The following DTWD2 variants were observed in gnomAD, a reference collection of about 807,000 sequenced individuals.
DTWD2 encodes DTW motif tRNA-uridine aminocarboxypropyltransferase 2.
In DTWD2, 39 loss-of-function variants were observed where a neutral mutation model predicts 31.8. The observed-to-expected ratio is 1.22, with a 90% CI of 0.95 to 1.60. The LOEUF is 1.60. DTWD2 is among the 40% of genes most tolerant of loss of function. The pLI is 0.00. For missense variants in DTWD2, 515 were observed against 381.5 expected (o/e 1.35, Z -2.92); for synonymous variants, 180 against 142.8 (o/e 1.26, Z -1.86).
intron 4 of DTWD2, among the ~76,000 whole-genome samples, chr5:118,883,669 C>T (rs1752793492): frequency 1.3e-5 from 2 of 152,090 alleles, no homozygotes; most frequent in South Asian, 4.2e-4. Context: ...CAAGGGGAGA[C>T]TGACACTTTT....
chr5:118,844,812 G>A (rs894378284), intron 5 of DTWD2, among the ~76,000 whole-genome samples: 1 of 152,140 alleles, frequency 6.6e-6, no homozygotes, highest in Non-Finnish European at 1.5e-5. Context: ...GAGGAACCCT[G>A]CCTCTATAGA....
intron 1 of DTWD2, among the ~76,000 whole-genome samples, chr5:118,966,127 AC>A (rs1209631650): frequency 6.6e-6 from 1 of 152,214 alleles, no homozygotes; most frequent in African/African-American, 2.4e-5. Flanking sequence ...CTAGAAAAAA[AC>A]CCTGCCCAGA....
At chr5:118,924,230 G>A (rs572972331) in intron 4 of DTWD2, among the ~76,000 whole-genome samples, 11 of 152,240 alleles carry the variant, frequency 7.2e-5, no homozygotes, top group African/African-American at 2.6e-4. Context: ...TCTCCTAGCA[G>A]GAGGATATTA....
At chr5:118,969,492 G>C (rs1056026095) in intron 1 of DTWD2, among the ~76,000 whole-genome samples, 3 of 152,198 alleles carry the variant, frequency 2.0e-5, no homozygotes, top group African/African-American at 7.2e-5. Flanking sequence ...TGTCACCTTT[G>C]CTGTTTTGCA....
At chr5:118,844,301 T>G (rs1751796100) in intron 5 of DTWD2, among the ~76,000 whole-genome samples, 1 of 152,202 alleles carries the variant, frequency 6.6e-6, no homozygotes, top group African/African-American at 2.4e-5. Context: ...GCCACATCTA[T>G]CTTTAAAAAT....
intron 1 of DTWD2, among the ~76,000 whole-genome samples, chr5:118,981,337 G>A (rs1755294686): frequency 6.6e-6 from 1 of 152,050 alleles, no homozygotes; most frequent in Admixed American, 6.5e-5. Context: ...TGATTAAAAT[G>A]ATAAATATTA....
intron 4 of DTWD2, among the ~76,000 whole-genome samples, chr5:118,867,853 A>G (rs1184231728): frequency 6.6e-6 from 1 of 152,238 alleles, no homozygotes; most frequent in Non-Finnish European, 1.5e-5. Context: ...ACCCAAAGAA[A>G]TCTACAAACC....
At chr5:118,904,628 A>C (rs59983556) in intron 4 of DTWD2, among the ~76,000 whole-genome samples, 5,805 of 152,200 alleles carry the variant, frequency 0.038, 361 homozygotes, top group African/African-American at 0.13. Flanking sequence ...CTGAATTTGG[A>C]AATAGCAGCA....
intron 1 of DTWD2, among the ~76,000 whole-genome samples, chr5:118,973,175 T>C (rs999440912): frequency 6.6e-6 from 1 of 151,400 alleles, no homozygotes; most frequent in African/African-American, 2.4e-5. Context: ...GTCTTCTGAA[T>C]ACAACACACC....
intron 4 of DTWD2, among the ~76,000 whole-genome samples, chr5:118,915,054 T>C (rs2149572455): frequency 6.6e-6 from 1 of 152,158 alleles, no homozygotes; most frequent in East Asian, 1.9e-4. Flanking sequence ...CTGTCTCTAC[T>C]AAAAATACAA....
chr5:118,957,382 T>C (rs1291782069), intron 1 of DTWD2, among the ~76,000 whole-genome samples: 1 of 151,924 alleles, frequency 6.6e-6, no homozygotes, highest in Non-Finnish European at 1.5e-5. Flanking sequence ...CCACCATGCC[T>C]GGCTAATTTT....
At position 118,837,247 on chromosome 5, in the gene DTWD2, G is replaced by C. The variant is rs1408856598; in HGVS notation, c.*3670C>G. Reference sequence around the variant, plus strand: ...ATGTAGCTAATAAAAATTTAGATTGGACAATTTAAGAGAGTAATTCATTCT... The same window carrying C: ...ATGTAGCTAATAAAAATTTAGATTGCACAATTTAAGAGAGTAATTCATTCT... On this transcript the variant is annotated 3_prime_UTR_variant, in exon 6 of 6. Coordinates refer to ENST00000510708, the MANE Select transcript of DTWD2 (RefSeq NM_173666.4). 6.6e-6 allele frequency: 1 copy of C among 152,098 alleles called. No individual in the cohort carries two copies. The highest frequency in any genetic ancestry group is 2.4e-5 in the African/African-American group (1 of 41,426). The allele number at this position is 152,098 out of a possible 1,614,324, so 9.4% of individuals were successfully genotyped here.
chr5:118,974,979 G>A (rs987929500), intron 1 of DTWD2, among the ~76,000 whole-genome samples: 1 of 152,038 alleles, frequency 6.6e-6, no homozygotes, highest in Non-Finnish European at 1.5e-5. Context: ...TTTCAACCTT[G>A]GTGAATCTGA....
At position 118,848,418 on chromosome 5, in the gene DTWD2, C is replaced by T. The variant is rs76469402; in HGVS notation, c.598-200G>A. ...ATAGCTATATAGAAGAAGACATATC[C>T]ACAATATATACAACCAAAATAAAAA... On this transcript the variant is annotated intron_variant, in intron 4 of 5. Coordinates refer to ENST00000510708, the MANE Select transcript of DTWD2 (RefSeq NM_173666.4). Among the ~76,000 whole-genome samples the T allele has an allele frequency of 0.018, 2,766 of 152,032 alleles. 86 individuals carry two copies. The highest frequency in any genetic ancestry group is 0.058 in the African/African-American group (2,409 of 41,470).
chr5:118,841,076 G>A lies in DTWD2; in HGVS notation c.738C>T (p.Arg246=). ...KNNYIQETLL[R]PLQALCSFQL... ...GAAAGGAGCATAAAGCTTGAAGAGGGCGAAGCAAAGTCTGTCAAGAGAAAA... is the reference window on the plus strand; with the variant it reads ...GAAAGGAGCATAAAGCTTGAAGAGGACGAAGCAAAGTCTGTCAAGAGAAAA... The change falls in exon 6 of 6, where the codon CGC becomes CGT. Residue 246 remains arginine (R), a synonymous_variant. Transcript: ENST00000510708. 1 of 1,610,976 alleles carries A rather than the reference G, an allele frequency of 6.2e-7. No homozygotes were observed. The highest frequency in any genetic ancestry group is 8.5e-7 in the Non-Finnish European group (1 of 1,178,272).
rs573882752 is a variant in DTWD2 at position 118,839,897 on chromosome 5, G to A, written c.*1020C>T. 16 of 152,190 alleles carry A rather than the reference G, an allele frequency of 1.1e-4. No individual in the cohort carries two copies. Among genetic ancestry groups the A allele is most frequent in the African/African-American group, 3.4e-4 (14 of 41,528 alleles). The allele number at this position is 152,190 out of a possible 1,614,324, so 9.4% of individuals were successfully genotyped here. On this transcript the variant is annotated 3_prime_UTR_variant, in exon 6 of 6. Coordinates refer to ENST00000510708, the MANE Select transcript of DTWD2 (RefSeq NM_173666.4). ...TACCAAGTTTACCTTTAAATGGCATGTTTAGTTTTTCCTTACAACTTAACA... is the reference window on the plus strand; with the variant it reads ...TACCAAGTTTACCTTTAAATGGCATATTTAGTTTTTCCTTACAACTTAACA...
At chr5:118,885,912 C>G (rs1044796531) in intron 4 of DTWD2, among the ~76,000 whole-genome samples, 15 of 152,108 alleles carry the variant, frequency 9.9e-5, no homozygotes, top group African/African-American at 3.1e-4. Context: ...CTGCAATAAG[C>G]TGTGATCACA....
intron 1 of DTWD2, among the ~76,000 whole-genome samples, chr5:118,945,385 G>C (rs916780523): frequency 1.3e-5 from 2 of 152,100 alleles, no homozygotes; most frequent in South Asian, 2.1e-4. Flanking sequence ...ACCAATGACT[G>C]GTTTTTTATG....
At chr5:118,913,420 GAT>G (rs1008904018) in intron 4 of DTWD2, among the ~76,000 whole-genome samples, 1,748 of 130,712 alleles carry the variant, frequency 0.013, 34 homozygotes, top group African/African-American at 0.045. Flanking sequence ...GATATATATA[GAT>G]ATATATATAT....
Sources: allele counts gnomAD v4.1 joint callset (sites outside exome capture counted in the v4.1 genomes callset), GRCh38; gene constraint gnomAD v4.1.1; transcripts MANE v1.5; gene names NCBI Gene and HGNC (gene_info 2026-07-23, HGNC 2026-07-21).